The following LCP2 variants were observed in gnomAD, a reference collection of about 807,000 sequenced individuals.
LCP2 encodes the protein 76 kDa tyrosine phosphoprotein.
Under a neutral mutation model 74.5 loss-of-function variants are expected in LCP2, and 29 were observed. That is an observed-to-expected ratio of 0.39 (90% CI 0.29 to 0.53). The LOEUF (loss-of-function observed/expected upper bound fraction) is 0.53, where lower values mean the gene tolerates loss of function less well. LCP2 is among the 20% of genes least tolerant of loss of function. The pLI, the probability that LCP2 is intolerant of heterozygous loss-of-function variation, is 0.72. For missense variants in LCP2, 604 were observed against 634.6 expected (o/e 0.95, Z 0.52); for synonymous variants, 228 against 229.5 (o/e 0.99, Z 0.06).
chr5:170,250,741 G>A lies in LCP2; in HGVS notation c.1468C>T (p.Arg490Ter). Residue 490 changes from arginine to a stop codon, truncating the protein, a stop_gained, in exon 20 of 21, where the codon CGA becomes TGA. Transcript: ENST00000046794. LOFTEE classifies it low-confidence loss of function (END_TRUNC). The part of the protein sequence containing the change: ...SQVYLLGTGL[R>*]GKEDFLSVSD... Reference sequence around the variant, plus strand: ...TTTGAAATCCTTACCTCTTTCCCTCGGAGTCCAGTTCCCAACAAGTAAACT... The same window carrying A: ...TTTGAAATCCTTACCTCTTTCCCTCAGAGTCCAGTTCCCAACAAGTAAACT... The A allele has an allele frequency of 1.2e-6, 2 of 1,612,904 alleles. No homozygotes were observed. Among genetic ancestry groups the A allele is most frequent in the Non-Finnish European group, 8.5e-7 (1 of 1,178,990 alleles).
intron 6 of LCP2, among the ~76,000 whole-genome samples, chr5:170,272,703 C>T (rs1428649421): frequency 2.0e-5 from 3 of 146,652 alleles, no homozygotes; most frequent in Non-Finnish European, 3.0e-5. Flanking sequence ...ACCTCCACCT[C>T]CCGGGTTCAA....
At chr5:170,252,159 C>G (rs961944708) in intron 19 of LCP2, 2 of 264,238 alleles carry the variant, frequency 7.6e-6, no homozygotes, top group Non-Finnish European at 1.5e-5. Context: ...ATTCCTATGA[C>G]AAGACAGACT....
chr5:170,271,608 A>G (rs949716273), intron 6 of LCP2, among the ~76,000 whole-genome samples: 4 of 152,028 alleles, frequency 2.6e-5, no homozygotes, highest in African/African-American at 9.7e-5. Flanking sequence ...TTCTTCTTGG[A>G]TCTCAGGGAA....
chr5:170,288,473 C>T (rs1179955803), intron 2 of LCP2, among the ~76,000 whole-genome samples: 2 of 152,208 alleles, frequency 1.3e-5, no homozygotes, highest in East Asian at 1.9e-4. Flanking sequence ...ACCAACATCA[C>T]ATCCCAGAGA....
rs555748970 is a variant in LCP2 at position 170,270,152 on chromosome 5, T to A, written c.523+567A>T. 9.8e-5 allele frequency among the ~76,000 whole-genome samples: 15 copies of A among 152,338 alleles called. No individual in the cohort carries two copies. In the East Asian group the frequency reaches 2.9e-3, roughly 29 times the overall value. ...CCTGATCATTTCTAAGCACTGAGAA[T>A]GGGGCCTGGGCTCCCAGCAGATCAA... On this transcript the variant is annotated intron_variant, in intron 7 of 20. Coordinates refer to ENST00000046794, the MANE Select transcript of LCP2 (RefSeq NM_005565.5).
intron 10 of LCP2, among the ~76,000 whole-genome samples, chr5:170,265,705 G>A (rs926181168): frequency 6.6e-6 from 1 of 152,326 alleles, no homozygotes; most frequent in Non-Finnish European, 1.5e-5. Context: ...AGAGCAGCGA[G>A]CAGCAGCCTC....
At chr5:170,291,404 T>C (rs1762294855) in intron 2 of LCP2, among the ~76,000 whole-genome samples, 1 of 152,230 alleles carries the variant, frequency 6.6e-6, no homozygotes, top group South Asian at 2.1e-4. Flanking sequence ...CAGCAGAAGC[T>C]GCCTTTACAT....
At position 170,275,815 on chromosome 5, in the gene LCP2, CCT is replaced by C; in HGVS notation, c.232_233del (p.Arg78GlufsTer15). The C allele has an allele frequency of 6.3e-7, 1 of 1,580,698 alleles. No homozygotes were observed. Among genetic ancestry groups the C allele is most frequent in the Non-Finnish European group, 8.6e-7 (1 of 1,160,890 alleles). The stretch of plus-strand genomic sequence containing the variant: ...CTCACTTGCGTGTGAAGATGCTCCT[CCT>C]CTCTTCGTTCTTGTTGATTTCCTGA... ...LSQEINKNEE[R>X]RSIFTRKPQV... On this transcript the variant is annotated frameshift_variant, in exon 4 of 21. Transcript: ENST00000046794. LOFTEE classifies it high-confidence loss of function.
intron 17 of LCP2, among the ~76,000 whole-genome samples, chr5:170,254,329 C>T (rs76278730): frequency 9.9e-5 from 15 of 152,224 alleles, no homozygotes; most frequent in Admixed American, 5.9e-4. Context: ...CAAGTACTTC[C>T]GGTGGTTCTA....
intron 6 of LCP2, chr5:170,273,834 T>G (rs1337896947): frequency 6.3e-6 from 1 of 158,122 alleles, no homozygotes. Context: ...TCTGAAGTTC[T>G]TTTCCCTCCG....
chr5:170,268,403 T>A lies in LCP2; in HGVS notation c.603A>T (p.Pro201=). 1 of 414,256 alleles carries A rather than the reference T, an allele frequency of 2.4e-6. No individual in the cohort carries two copies. The highest frequency in any genetic ancestry group is 3.0e-6 in the Non-Finnish European group (1 of 330,046). The allele number at this position is 414,256 out of a possible 1,614,324, so 25.7% of individuals were successfully genotyped here. The part of the protein sequence containing the change: ...QRPMAALPPP[P]AGRNHSPLPP... ...GGCCTACCGAGTGATTCCGGCCGGC[T>A]GGTGGGGGCGGGAGGGCGGCCATCG... The change falls in exon 8 of 21, where the codon CCA becomes CCT. Residue 201 remains proline, a synonymous_variant. Transcript: ENST00000046794.
At chr5:170,258,000 T>C (rs1761587566) in intron 16 of LCP2, 37 bp downstream of exon 16, 14 of 1,607,076 alleles carry the variant, frequency 8.7e-6, no homozygotes, top group Non-Finnish European at 1.0e-5. Flanking sequence ...GACCTAAACA[T>C]TATATTAAGC....
chr5:170,278,377 G>T (rs1314369345), intron 3 of LCP2, among the ~76,000 whole-genome samples: 9 of 38,688 alleles, frequency 2.3e-4, no homozygotes, highest in African/African-American at 1.1e-3. Flanking sequence ...GTGCAGGGGT[G>T]GGGGCTGGCG....
chr5:170,289,671 T>TTCCTTCTTTCTTTCTCTC (rs1762250989), intron 2 of LCP2, among the ~76,000 whole-genome samples: 95 of 83,962 alleles, frequency 1.1e-3, no homozygotes, highest in African/African-American at 3.9e-3. Context: ...CTTTCTTTCT[T>TTCCTTCTTTCTTTCTCTC]TCTCTCTCTC....
At chr5:170,275,910 A>G (rs1761998948) in intron 3 of LCP2, 50 bp from the exon 4 acceptor site, 1 of 1,473,148 alleles carries the variant, frequency 6.8e-7, no homozygotes, top group Non-Finnish European at 9.3e-7. Flanking sequence ...CTCAGTCTCA[A>G]CCTTCCCCCT....
At chr5:170,250,922 A>G in intron 19 of LCP2, 37 bp from the exon 20 acceptor site, 1 of 1,585,970 alleles carries the variant, frequency 6.3e-7, no homozygotes, top group Admixed American at 1.7e-5. Context: ...GGGAGCAGTA[A>G]AAGTCAATAT....
intron 3 of LCP2, among the ~76,000 whole-genome samples, chr5:170,280,798 A>G (rs1762086831): frequency 6.6e-6 from 1 of 152,186 alleles, no homozygotes; most frequent in Non-Finnish European, 1.5e-5. Flanking sequence ...ACTTGAGGTC[A>G]GGAGTTCGAG....
In LCP2 at chr5:170,258,186, A is replaced by G. The variant is rs1050066478; in HGVS notation, c.971-20T>C. On this transcript the variant is annotated intron_variant, in intron 15 of 20. Coordinates refer to ENST00000046794, the MANE Select transcript of LCP2 (RefSeq NM_005565.5). The stretch of plus-strand genomic sequence containing the variant: ...GATGCACTGTGCAGAAGTAGAAAAC[A>G]ATGAATGAGATTGGCAGGCCCCAGC... 11 of 1,613,006 alleles carry G rather than the reference A, an allele frequency of 6.8e-6. No homozygotes were observed. The highest frequency in any genetic ancestry group is 9.3e-6 in the Non-Finnish European group (11 of 1,179,202).
chr5:170,270,816 G>T lies in LCP2; in HGVS notation c.426C>A (p.Asp142Glu). 1 of 1,612,016 alleles carries T rather than the reference G, an allele frequency of 6.2e-7. No homozygotes were observed. The highest frequency in any genetic ancestry group is 8.5e-7 in the Non-Finnish European group (1 of 1,179,020). The change falls in exon 7 of 21, where the codon GAC becomes GAA. Residue 142 changes from aspartate (D) to glutamate (E), a missense_variant. Transcript: ENST00000046794. The stretch of plus-strand genomic sequence containing the variant: ...TGGAGGGTGGCGGCTCATAATCCGC[G>T]TCATCTTCCACGGGTGCCTCTTCCT... ...NEEEEAPVED[D>E]ADYEPPPSND...
Sources: allele counts gnomAD v4.1 joint callset (sites outside exome capture counted in the v4.1 genomes callset), GRCh38; gene constraint gnomAD v4.1.1; transcripts MANE v1.5; gene names NCBI Gene and HGNC (gene_info 2026-07-23, HGNC 2026-07-21).